The following GAP43 variants were observed in gnomAD, a reference collection of about 807,000 sequenced individuals.
GAP43 encodes growth associated protein 43.
A neutral mutation model predicts 18.6 loss-of-function variants in GAP43; 6 were observed. The observed-to-expected ratio is 0.32, with a 90% CI of 0.18 to 0.64. GAP43 has a LOEUF of 0.64. GAP43 is among the 30% of genes least tolerant of loss of function. The pLI is 0.78. For missense variants in GAP43, 292 were observed against 295.5 expected, an observed-to-expected ratio of 0.99 and a Z score of 0.09; for synonymous variants, 115 against 111.4, an observed-to-expected ratio of 1.03 and a Z score of -0.20.
rs149843312 is a variant in GAP43, at chr3:115,648,731, A to G, written c.30+25012A>G. Among the ~76,000 whole-genome samples, 10 of 152,236 alleles carry G rather than the reference A, an allele frequency of 6.6e-5. 1 individual carries two copies. The East Asian group carries it at 1.9e-3, about 29-fold the overall frequency. On this transcript the variant is annotated intron_variant, in intron 1 of 2. Coordinates refer to ENST00000305124, the MANE Select transcript of GAP43 (RefSeq NM_002045.4). ...GGAAGGGTTAGAAAGAAAAGAGCTAAGAGAAGGGCTTACTCACCCTTCAGT... is the reference window on the plus strand; with the variant it reads ...GGAAGGGTTAGAAAGAAAAGAGCTAGGAGAAGGGCTTACTCACCCTTCAGT...
intron 1 of GAP43, among the ~76,000 whole-genome samples, chr3:115,640,221 G>C (rs1708378338): frequency 6.6e-6 from 1 of 152,042 alleles, no homozygotes; most frequent in South Asian, 2.1e-4. Flanking sequence ...GTACACTTTA[G>C]CTGAAAAAAT....
chr3:115,639,321 T>C (rs1157147743), intron 1 of GAP43, among the ~76,000 whole-genome samples: 1 of 152,134 alleles, frequency 6.6e-6, no homozygotes, highest in African/African-American at 2.4e-5. Context: ...GTCAGAAAGA[T>C]AGCCGTCCTT....
At chr3:115,627,963 C>T (rs1708211686) in intron 1 of GAP43, among the ~76,000 whole-genome samples, 1 of 152,148 alleles carries the variant, frequency 6.6e-6, no homozygotes, top group African/African-American at 2.4e-5. Context: ...TTTCAGTTTC[C>T]TTCTGTAGAA....
At chr3:115,649,821 A>AG (rs1189613287) in intron 1 of GAP43, among the ~76,000 whole-genome samples, 37 of 129,810 alleles carry the variant, frequency 2.9e-4, no homozygotes, top group African/African-American at 8.0e-4. Context: ...AAAAAAAAAA[A>AG]AAAAGAAAGA....
chr3:115,679,350 C>T (rs918860413), intron 2 of GAP43, among the ~76,000 whole-genome samples: 1 of 152,148 alleles, frequency 6.6e-6, no homozygotes, highest in Non-Finnish European at 1.5e-5. Flanking sequence ...CTATTTACTA[C>T]CAACCTGTTT....
intron 2 of GAP43, among the ~76,000 whole-genome samples, chr3:115,686,344 C>T (rs283373): frequency 0.33 from 50,166 of 152,076 alleles, 8,430 homozygotes; most frequent in Admixed American, 0.34. Flanking sequence ...TTTCAACATT[C>T]GCAGTCATTT....
At chr3:115,637,061 A>G (rs1046243800) in intron 1 of GAP43, among the ~76,000 whole-genome samples, 4 of 152,072 alleles carry the variant, frequency 2.6e-5, no homozygotes, top group Admixed American at 2.6e-4. Flanking sequence ...AATCTTGCCT[A>G]AACTCCGGGC....
At chr3:115,711,707 C>T (rs928594068) in intron 2 of GAP43, among the ~76,000 whole-genome samples, 1 of 152,168 alleles carries the variant, frequency 6.6e-6, no homozygotes, top group African/African-American at 2.4e-5. Context: ...CTCCAACCCC[C>T]AAACAAACTG....
intron 2 of GAP43, among the ~76,000 whole-genome samples, chr3:115,711,384 T>C (rs1238406315): frequency 6.6e-6 from 1 of 152,146 alleles, no homozygotes; most frequent in Non-Finnish European, 1.5e-5. Flanking sequence ...AATCAATTTA[T>C]GGCAAGCTCA....
intron 2 of GAP43, among the ~76,000 whole-genome samples, chr3:115,710,282 T>A (rs1376959397): frequency 6.6e-6 from 1 of 152,024 alleles, no homozygotes; most frequent in Non-Finnish European, 1.5e-5. Flanking sequence ...GTAGATATCA[T>A]AGGCTATACC....
At chr3:115,711,434 C>G (rs964226094) in intron 2 of GAP43, among the ~76,000 whole-genome samples, 2 of 152,032 alleles carry the variant, frequency 1.3e-5, no homozygotes, top group African/African-American at 4.8e-5. Context: ...GCTCCTGAAA[C>G]TCAGGTCTTT....
At chr3:115,687,817 A>G (rs1172281044) in intron 2 of GAP43, among the ~76,000 whole-genome samples, 2 of 152,218 alleles carry the variant, frequency 1.3e-5, no homozygotes, top group African/African-American at 4.8e-5. Flanking sequence ...AAGGTCTTCA[A>G]TCTTGGCAAG....
intron 1 of GAP43, among the ~76,000 whole-genome samples, chr3:115,664,578 T>G (rs1708708148): frequency 6.6e-6 from 1 of 152,150 alleles, no homozygotes; most frequent in South Asian, 2.1e-4. Context: ...GAGCCAGGAT[T>G]CAAACTCAGA....
At chr3:115,625,747 G>A (rs776891773) in intron 1 of GAP43, among the ~76,000 whole-genome samples, 1 of 152,162 alleles carries the variant, frequency 6.6e-6, no homozygotes, top group Non-Finnish European at 1.5e-5. Context: ...ACAGCCCCAA[G>A]CATTCACTCT....
At chr3:115,713,991 C>T (rs148485424) in intron 2 of GAP43, among the ~76,000 whole-genome samples, 33 of 152,320 alleles carry the variant, frequency 2.2e-4, no homozygotes, top group African/African-American at 7.7e-4. Context: ...TCTTATCTAG[C>T]TGTTCTTTCC....
intron 2 of GAP43, among the ~76,000 whole-genome samples, chr3:115,695,415 CT>C (rs1418958430): frequency 2.0e-5 from 3 of 152,158 alleles, no homozygotes; most frequent in African/African-American, 7.2e-5. Context: ...AGGACCCCAA[CT>C]TTTTAAGAAT....
chr3:115,720,114 A>G, intron 2 of GAP43, among the ~76,000 whole-genome samples: 1 of 152,172 alleles, frequency 6.6e-6, no homozygotes, highest in East Asian at 1.9e-4. Context: ...GATATCTAGG[A>G]GTGGTACAGT....
chr3:115,687,644 G>T (rs1576994364), intron 2 of GAP43, among the ~76,000 whole-genome samples: 2 of 152,148 alleles, frequency 1.3e-5, no homozygotes, highest in East Asian at 1.9e-4. Context: ...CGGTTGTTTT[G>T]CAGAGGCCAG....
At chr3:115,648,387 T>C (rs944466793) in intron 1 of GAP43, among the ~76,000 whole-genome samples, 10 of 152,174 alleles carry the variant, frequency 6.6e-5, no homozygotes, top group African/African-American at 2.2e-4. Flanking sequence ...TTGAACTCCA[T>C]TGTCCTATTT....
Sources: gnomAD v4.1 joint callset for allele counts (sites outside exome capture counted in the v4.1 genomes callset) on GRCh38, gnomAD v4.1.1 for gene constraint, MANE v1.5 for transcripts, NCBI Gene and HGNC (gene_info 2026-07-23, HGNC 2026-07-21) for gene names.